Variants in NBEA observed in about 807,000 individuals in gnomAD.
NBEA encodes neurobeachin, also known as lysosomal-trafficking regulator 2.
Under a neutral mutation model 343.4 loss-of-function variants are expected in NBEA, and 44 were observed. The observed-to-expected ratio is 0.13, with a 90% CI of 0.10 to 0.16. NBEA has a LOEUF of 0.16. Among genes scored for constraint, NBEA ranks in the 10% least tolerant of loss-of-function variants. The pLI is 1.00. For synonymous variants in NBEA, 1,175 were observed against 1,238.7 expected, an observed-to-expected ratio of 0.95 and a Z score of 1.08; for missense variants, 2,555 against 3,631.3, an observed-to-expected ratio of 0.70 and a Z score of 7.62.
In NBEA at chr13:34,942,445, T is replaced by G. The variant is rs2059056870; in HGVS notation, c.-376T>G. 1 of 160,660 alleles carries G rather than the reference T, an allele frequency of 6.2e-6. No homozygotes were observed. Among genetic ancestry groups the G allele is most frequent in the Non-Finnish European group, 1.4e-5 (1 of 73,342 alleles). 10.0% of individuals were successfully genotyped at this position (160,660 alleles called of 1,614,324 possible). A position where few individuals can be genotyped will look rare whatever the true frequency, so the allele number is the denominator to read the frequency against. ...TGGCCAGCTGCTCGCGTCCTCGGGC[T>G]TCTCGGAGCGGCTGCAGCATCTCCG... is the stretch of plus-strand genomic sequence containing the variant. On this transcript the variant is annotated 5_prime_UTR_variant, in exon 1 of 59. Transcript: ENST00000379939.
At position 35,155,875 on chromosome 13, in the gene NBEA, TTACTG is replaced by T. The variant is rs2069137956; in HGVS notation, c.2527+23_2527+27del. The T allele has an allele frequency of 6.3e-7, 1 of 1,594,530 alleles. No individual in the cohort carries two copies. The highest frequency in any genetic ancestry group is 8.6e-7 in the Non-Finnish European group (1 of 1,162,388). On this transcript the variant is annotated intron_variant, in intron 19 of 58. Coordinates refer to ENST00000379939, the MANE Select transcript of NBEA (RefSeq NM_001385012.1). Reference sequence around the variant, plus strand: ...ATCCAAGTGAGCAAATGGCAGTTCTTTACTGTATTGTGGTAGGCGCATGGCAACAT... The same window carrying T: ...ATCCAAGTGAGCAAATGGCAGTTCTTTATTGTGGTAGGCGCATGGCAACAT...
At chr13:35,664,586 G>A (rs1410143269) in intron 55 of NBEA, among the ~76,000 whole-genome samples, 2 of 152,170 alleles carry the variant, frequency 1.3e-5, no homozygotes, top group Non-Finnish European at 2.9e-5. Context: ...TAATTCAGCT[G>A]GACTTTTTAG....
intron 41 of NBEA, among the ~76,000 whole-genome samples, chr13:35,513,035 C>T (rs897048751): frequency 2.0e-5 from 3 of 151,940 alleles, no homozygotes; most frequent in Non-Finnish European, 4.4e-5. Flanking sequence ...AAACTCTTGG[C>T]ATAAATTTAT....
chr13:35,391,029 C>A (rs1179297419), intron 38 of NBEA, among the ~76,000 whole-genome samples: 1 of 152,146 alleles, frequency 6.6e-6, no homozygotes, highest in Admixed American at 6.6e-5. Context: ...AATCCCAACA[C>A]TTTGGGAGGC....
intron 31 of NBEA, among the ~76,000 whole-genome samples, chr13:35,197,668 A>G (rs557492020): frequency 2.0e-5 from 3 of 152,068 alleles, no homozygotes; most frequent in East Asian, 1.9e-4. Context: ...ACGCCTGGCT[A>G]ATTTTTGTAT....
At chr13:35,162,487 C>T (rs2069643604) in intron 23 of NBEA, among the ~76,000 whole-genome samples, 2 of 152,096 alleles carry the variant, frequency 1.3e-5, no homozygotes, top group South Asian at 4.1e-4. Context: ...CTCCCAACCT[C>T]AATTCATAAG....
intron 36 of NBEA, among the ~76,000 whole-genome samples, chr13:35,348,088 A>G (rs969301117): frequency 6.6e-6 from 1 of 152,136 alleles, no homozygotes; most frequent in Non-Finnish European, 1.5e-5. Flanking sequence ...AGGAGTAGAA[A>G]AAGTCTCCAT....
chr13:35,183,222 A>C (rs556810726), intron 29 of NBEA, among the ~76,000 whole-genome samples: 1 of 151,980 alleles, frequency 6.6e-6, no homozygotes, highest in Non-Finnish European at 1.5e-5. Flanking sequence ...AATATTGGAC[A>C]CCTTCTATCA....
At chr13:35,621,095 G>A (rs114044052) in intron 48 of NBEA, among the ~76,000 whole-genome samples, 35 of 152,258 alleles carry the variant, frequency 2.3e-4, no homozygotes, top group African/African-American at 7.0e-4. Flanking sequence ...TCAGGACATC[G>A]AATGCTTATT....
At chr13:35,277,715 A>G (rs1393195119) in intron 34 of NBEA, among the ~76,000 whole-genome samples, 2 of 151,744 alleles carry the variant, frequency 1.3e-5, no homozygotes, top group Non-Finnish European at 2.9e-5. Flanking sequence ...TGCCAAATAC[A>G]CATATTCTAA....
chr13:35,389,032 T>C (rs1047200245), intron 38 of NBEA, among the ~76,000 whole-genome samples: 5 of 151,400 alleles, frequency 3.3e-5, no homozygotes, highest in Admixed American at 6.6e-5. Context: ...TTTTTTTTTT[T>C]CTTTTGGTAA....
intron 1 of NBEA, among the ~76,000 whole-genome samples, chr13:34,964,761 G>A (rs575660568): frequency 7.2e-5 from 11 of 152,064 alleles, no homozygotes; most frequent in African/African-American, 2.6e-4. Flanking sequence ...AAGAGCAGGG[G>A]GAGAACGTTA....
intron 50 of NBEA, 81 bp downstream of exon 50, chr13:35,646,012 T>C (rs1347583792): frequency 1.1e-6 from 1 of 925,906 alleles, no homozygotes; most frequent in Non-Finnish European, 1.6e-6. Flanking sequence ...ATTTTCCACA[T>C]TTAACCCCAG....
At chr13:35,342,230 A>G (rs1028084574) in intron 36 of NBEA, among the ~76,000 whole-genome samples, 6 of 152,104 alleles carry the variant, frequency 3.9e-5, no homozygotes, top group African/African-American at 9.6e-5. Flanking sequence ...ACTACTAAGT[A>G]TAAGGATTTT....
At chr13:35,098,537 G>A (rs77955183) in intron 11 of NBEA, 132 bp downstream of exon 11, 11 of 563,864 alleles carry the variant, frequency 2.0e-5, no homozygotes, top group South Asian at 6.0e-5. Context: ...ATTCACAAAC[G>A]TCTTAGATTT....
At chr13:35,666,846 T>A (rs2085378046) in intron 56 of NBEA, among the ~76,000 whole-genome samples, 1 of 152,204 alleles carries the variant, frequency 6.6e-6, no homozygotes, top group African/African-American at 2.4e-5. Context: ...AGACAAAATA[T>A]CTTTCTGTAG....
chr13:35,591,745 C>T (rs1048429614), intron 46 of NBEA, among the ~76,000 whole-genome samples: 19 of 151,896 alleles, frequency 1.3e-4, no homozygotes, highest in African/African-American at 4.6e-4. Flanking sequence ...AGGTTAGTGG[C>T]AAGAAAGGGA....
At position 35,421,819 on chromosome 13, in the gene NBEA, C is replaced by A. The variant is rs566868494; in HGVS notation, c.6180-10450C>A. Reference sequence around the variant, plus strand: ...GGGGTTGACGGTTCTTCTCTTTTAGCACCTAAAAAATATTTTGCCACTTTC... The same window carrying A: ...GGGGTTGACGGTTCTTCTCTTTTAGAACCTAAAAAATATTTTGCCACTTTC... On this transcript the variant is annotated intron_variant, in intron 38 of 58. Transcript: ENST00000379939. Among the ~76,000 whole-genome samples the A allele has an allele frequency of 8.7e-4, 132 of 152,188 alleles. 1 individual carries two copies. Among genetic ancestry groups the A allele is most frequent in the African/African-American group, 3.1e-3 (127 of 41,540 alleles).
At chr13:35,201,844 C>T (rs1209130361) in intron 31 of NBEA, among the ~76,000 whole-genome samples, 1 of 152,088 alleles carries the variant, frequency 6.6e-6, no homozygotes, top group African/African-American at 2.4e-5. Context: ...ACATTAGCCC[C>T]TCAGCGTCTC....
Sources: allele counts gnomAD v4.1 joint callset (sites outside exome capture counted in the v4.1 genomes callset), GRCh38; gene constraint gnomAD v4.1.1; transcripts MANE v1.5; gene names NCBI Gene and HGNC (gene_info 2026-07-23, HGNC 2026-07-21).